UBE2K: variants seen among roughly 807,000 people sequenced by gnomAD.
UBE2K encodes ubiquitin-conjugating enzyme E2 K.
A neutral mutation model predicts 30.0 loss-of-function variants in UBE2K; 6 were observed. The ratio of observed to expected loss-of-function variants is 0.20; its 90% CI spans 0.11 to 0.39. UBE2K has a LOEUF of 0.39. UBE2K is among the 10% of genes least tolerant of loss of function. UBE2K has a pLI of 1.00. For synonymous variants in UBE2K, 86 were observed against 83.7 expected (o/e 1.03, Z -0.15); for missense variants, 61 against 241.6 (o/e 0.25, Z 4.96).
chr4:39,719,295 T>G (rs1167592041), intron 1 of UBE2K, among the ~76,000 whole-genome samples: 1 of 152,204 alleles, frequency 6.6e-6, no homozygotes, highest in African/African-American at 2.4e-5. Context: ...AGCCAAAGTT[T>G]CCTTCTGTTT....
At chr4:39,698,517 A>T in intron 1 of UBE2K, 127 bp downstream of exon 1, 2 of 826,730 alleles carry the variant, frequency 2.4e-6, no homozygotes, top group Non-Finnish European at 4.0e-6. Flanking sequence ...GCCTGTGAGG[A>T]AGCAGCAGTG....
In UBE2K at chr4:39,781,998, G is replaced by A. The variant is rs1713641851; in HGVS notation, c.*3564G>A. The stretch of plus-strand genomic sequence containing the variant: ...TCAGTGTCTACATATTATGTCACAC[G>A]TTCTATTTGCACTGCTGCAATATAG... On this transcript the variant is annotated 3_prime_UTR_variant, in exon 7 of 7. Coordinates refer to ENST00000261427, the MANE Select transcript of UBE2K (RefSeq NM_005339.5). 2 of 398,212 alleles carry A rather than the reference G, an allele frequency of 5.0e-6. No homozygotes were observed. Among genetic ancestry groups the A allele is most frequent in the South Asian group, 1.3e-4 (1 of 7,854 alleles). 24.7% of individuals were successfully genotyped at this position (398,212 alleles called of 1,614,324 possible).
At chr4:39,742,695 C>G (rs186164708) in intron 2 of UBE2K, among the ~76,000 whole-genome samples, 1 of 152,066 alleles carries the variant, frequency 6.6e-6, no homozygotes, top group South Asian at 2.1e-4. Flanking sequence ...CAGCCGAGAT[C>G]GCACCATTGC....
At chr4:39,701,218 A>G (rs976868843) in intron 1 of UBE2K, among the ~76,000 whole-genome samples, 10 of 152,158 alleles carry the variant, frequency 6.6e-5, no homozygotes, top group East Asian at 1.9e-4. Context: ...GTAGTTTTAA[A>G]TAATATTCCA....
intron 1 of UBE2K, among the ~76,000 whole-genome samples, chr4:39,699,458 C>A (rs1418889442): frequency 6.6e-6 from 1 of 152,140 alleles, no homozygotes; most frequent in African/African-American, 2.4e-5. Flanking sequence ...AATTTAGATA[C>A]ATTTGTACTA....
chr4:39,708,119 C>T (rs1438817731), intron 1 of UBE2K, among the ~76,000 whole-genome samples: 5 of 151,836 alleles, frequency 3.3e-5, no homozygotes, highest in South Asian at 4.1e-4. Flanking sequence ...AGGCTGGTCT[C>T]GAACTCCGGG....
intron 1 of UBE2K, among the ~76,000 whole-genome samples, chr4:39,723,915 C>T (rs1351946176): frequency 2.6e-5 from 4 of 152,120 alleles, no homozygotes; most frequent in East Asian, 1.9e-4. Flanking sequence ...GGGGTTCAAG[C>T]GATTCTCCTG....
chr4:39,717,591 A>G (rs2109321937), intron 1 of UBE2K, among the ~76,000 whole-genome samples: 1 of 152,338 alleles, frequency 6.6e-6, no homozygotes, highest in Admixed American at 6.5e-5. Flanking sequence ...TTAAAAATAC[A>G]ATGTTACATC....
chr4:39,745,923 A>G (rs150631823), intron 3 of UBE2K, 113 bp downstream of exon 3: 262 of 724,114 alleles, frequency 3.6e-4, no homozygotes, highest in African/African-American at 3.0e-3. Flanking sequence ...TGAATTGCTT[A>G]CTGTGTAAAC....
chr4:39,760,164 G>A (rs1446946500), intron 4 of UBE2K, among the ~76,000 whole-genome samples: 36 of 98,988 alleles, frequency 3.6e-4, no homozygotes, highest in Admixed American at 6.3e-4. Context: ...GTGACAGAGC[G>A]AGACTCTGTC....
At chr4:39,701,707 A>G (rs531668264) in intron 1 of UBE2K, among the ~76,000 whole-genome samples, 1 of 152,106 alleles carries the variant, frequency 6.6e-6, no homozygotes, top group East Asian at 1.9e-4. Flanking sequence ...ACTCATTGAA[A>G]TAAGTGTTAC....
intron 4 of UBE2K, chr4:39,761,176 G>C (rs1185046687): frequency 6.6e-6 from 1 of 152,120 alleles, no homozygotes; most frequent in Non-Finnish European, 1.5e-5. Context: ...TGCCTAAGGA[G>C]ACGTGAACCA....
chr4:39,715,147 T>C (rs1443979476), intron 1 of UBE2K, among the ~76,000 whole-genome samples: 2 of 151,228 alleles, frequency 1.3e-5, no homozygotes, highest in Middle Eastern at 3.4e-3. Flanking sequence ...TGCCTCAGCC[T>C]CCCGAGTAGC....
chr4:39,756,198 C>T (rs980861137), intron 4 of UBE2K, among the ~76,000 whole-genome samples: 14 of 152,156 alleles, frequency 9.2e-5, no homozygotes, highest in African/African-American at 3.1e-4. Flanking sequence ...ATTTGGATAG[C>T]GGTATTGTGC....
At chr4:39,767,013 A>G (rs1018024311) in intron 4 of UBE2K, among the ~76,000 whole-genome samples, 3 of 152,064 alleles carry the variant, frequency 2.0e-5, no homozygotes, top group Non-Finnish European at 2.9e-5. Context: ...AGCTTCCCAG[A>G]GTGCTGGGAT....
In UBE2K at chr4:39,779,589, T is replaced by G. The variant is rs1713492400; in HGVS notation, c.*1155T>G. ...TTCTGATAATACGAGAATTGAAAAC[T>G]TTACCTTCTCTTGTACATAGTCAGA... On this transcript the variant is annotated 3_prime_UTR_variant, in exon 7 of 7. Transcript: ENST00000261427. 6.6e-6 allele frequency: 1 copy of G among 152,654 alleles called. No homozygotes were observed. The highest frequency in any genetic ancestry group is 2.4e-5 in the African/African-American group (1 of 41,460). 9.5% of individuals were successfully genotyped at this position (152,654 alleles called of 1,614,324 possible).
At position 39,780,071 on chromosome 4, in the gene UBE2K, G is replaced by A. The variant is rs1312026912; in HGVS notation, c.*1637G>A. On this transcript the variant is annotated 3_prime_UTR_variant, in exon 7 of 7. Coordinates refer to ENST00000261427, the MANE Select transcript of UBE2K (RefSeq NM_005339.5). ...TCCTAATTAACAGTAAACTCTTATA[G>A]CTGATATTATTACATACTAAACACA... 3 of 152,108 alleles carry A rather than the reference G, an allele frequency of 2.0e-5. No homozygotes were observed. Among genetic ancestry groups the A allele is most frequent in the African/African-American group, 7.2e-5 (3 of 41,450 alleles). 9.4% of individuals were successfully genotyped at this position (152,108 alleles called of 1,614,324 possible).
At chr4:39,763,633 C>G (rs1712119943) in intron 4 of UBE2K, among the ~76,000 whole-genome samples, 3 of 152,186 alleles carry the variant, frequency 2.0e-5, no homozygotes, top group Non-Finnish European at 4.4e-5. Flanking sequence ...CGATTTGCCC[C>G]CAGGATCCAA....
rs1056467894 is a variant in UBE2K, at chr4:39,777,718, C to T, written c.436C>T (p.Arg146Ter). The T allele has an allele frequency of 6.4e-7, 1 of 1,562,708 alleles. No homozygotes were observed. Among genetic ancestry groups the T allele is most frequent in the Non-Finnish European group, 8.6e-7 (1 of 1,163,670 alleles). The change falls in exon 6 of 7, where the codon CGA becomes TGA. Residue 146 changes from arginine to a stop codon, truncating the protein, a stop_gained. Coordinates refer to ENST00000261427, the MANE Select transcript of UBE2K (RefSeq NM_005339.5). LOFTEE classifies it high-confidence loss of function. ...QNPEMFKQTA[R>*]LWAHVYAGAP... ...TCCCGAAATGTTCAAACAGACAGCT[C>T]GACTTTGGGCACATGTGTATGCTGG...
Sources: gnomAD v4.1 joint callset for allele counts (sites outside exome capture counted in the v4.1 genomes callset) on GRCh38, gnomAD v4.1.1 for gene constraint, MANE v1.5 for transcripts, NCBI Gene and HGNC (gene_info 2026-07-23, HGNC 2026-07-21) for gene names.